Variants in PSD3 observed in about 807,000 individuals in gnomAD.
PSD3 encodes pleckstrin and Sec7 domain containing 3, also known as PH and SEC7 domain-containing protein 3.
A neutral mutation model predicts 105.5 loss-of-function variants in PSD3; 49 were observed. The observed-to-expected ratio is 0.46, with a 90% CI of 0.37 to 0.59. The LOEUF (loss-of-function observed/expected upper bound fraction) is 0.59, where lower values mean the gene tolerates loss of function less well. PSD3 is among the 20% of genes least tolerant of loss of function. The probability of loss-of-function intolerance (pLI) is 0.00; values close to 1 mark genes in which losing one functional copy is unlikely to be tolerated. For missense variants in PSD3, 1,561 were observed against 1,263.8 expected, an observed-to-expected ratio of 1.24 and a Z score of -3.57; for synonymous variants, 557 against 457.8, an observed-to-expected ratio of 1.22 and a Z score of -2.77.
At chr8:18,593,369 A>C (rs1803756791) in intron 12 of PSD3, among the ~76,000 whole-genome samples, 1 of 152,256 alleles carries the variant, frequency 6.6e-6, no homozygotes, top group Admixed American at 6.5e-5. Flanking sequence ...AGACACATGA[A>C]AAAATGCTCA....
intron 4 of PSD3, among the ~76,000 whole-genome samples, chr8:18,866,161 T>G (rs559937017): frequency 6.6e-6 from 1 of 152,184 alleles, no homozygotes; most frequent in Admixed American, 6.5e-5. Flanking sequence ...TCTGCATACC[T>G]TTCCTACAGC....
At chr8:18,879,800 G>T (rs1221141241) in intron 2 of PSD3, among the ~76,000 whole-genome samples, 1 of 151,432 alleles carries the variant, frequency 6.6e-6, no homozygotes, top group East Asian at 2.0e-4. Context: ...GTTTCCCTAT[G>T]TTGCCCAGAC....
intron 4 of PSD3, among the ~76,000 whole-genome samples, chr8:18,821,872 C>CCACACACACACACACACA (rs5889830): frequency 8.7e-5 from 12 of 137,398 alleles, no homozygotes; most frequent in African/African-American, 2.6e-4. Flanking sequence ...TGCACACACA[C>CCACACACACACACACACA]CACACACACA....
At position 19,040,772 on chromosome 8, in the gene PSD3, T is replaced by A. The variant is rs76430506; in HGVS notation, c.324+43434A>T. ...ATAAGCTAACTGATGAGGTGTAATA[T>A]CCCTTTAGAAAAGGGAAGAAATCAG... On this transcript the variant is annotated intron_variant, in intron 1 of 1. Transcript: ENST00000521475. Among the ~76,000 whole-genome samples the A allele has an allele frequency of 1.7e-3, 259 of 152,314 alleles. 4 individuals are homozygous for A. In the East Asian group the frequency reaches 0.045, roughly 27 times the overall value.
intron 1 of PSD3, among the ~76,000 whole-genome samples, chr8:19,059,359 G>T (rs572591445): frequency 6.6e-6 from 1 of 151,648 alleles, no homozygotes; most frequent in African/African-American, 2.4e-5. Flanking sequence ...CTACTTCTGC[G>T]GATGATGGAA....
In PSD3 at chr8:18,860,346, T is replaced by C. The variant is rs1283963015; in HGVS notation, c.1634+7328A>G. Among the ~76,000 whole-genome samples, 7 of 151,746 alleles carry C rather than the reference T, an allele frequency of 4.6e-5. 1 individual carries two copies. The South Asian group carries it at 1.3e-3, about 27-fold the overall frequency. ...AACAGTAATGAAAAAGTCTGAAATA[T>C]TGAGATAATGACTAAAATGTGACAC... On this transcript the variant is annotated intron_variant, in intron 4 of 15. Coordinates refer to ENST00000327040, the MANE Select transcript of PSD3 (RefSeq NM_015310.4).
chr8:18,965,988 C>T lies in PSD3; in HGVS notation c.22-29846G>A, dbSNP rs780827093. Among the ~76,000 whole-genome samples, 9 of 152,280 alleles carry T rather than the reference C, an allele frequency of 5.9e-5. No homozygotes were observed. The South Asian group carries it at 1.2e-3, about 21-fold the overall frequency. ...AATGATCTCATTAATCCTCACAACA[C>T]CTGATGAGGGGAGTAGGCAACAAAT... On this transcript the variant is annotated intron_variant, in intron 1 of 15. Transcript: ENST00000327040.
chr8:18,920,766 C>T (rs1281680894), intron 2 of PSD3, among the ~76,000 whole-genome samples: 1 of 152,170 alleles, frequency 6.6e-6, no homozygotes, highest in Non-Finnish European at 1.5e-5. Flanking sequence ...TAAAACTTGT[C>T]TAGCATGCCT....
chr8:18,836,505 T>G (rs567562981), intron 4 of PSD3, among the ~76,000 whole-genome samples: 1 of 152,230 alleles, frequency 6.6e-6, no homozygotes, highest in Non-Finnish European at 1.5e-5. Flanking sequence ...ACTAATTTTT[T>G]AATAGTGGAC....
At chr8:19,078,740 T>C (rs17127791) in intron 1 of PSD3, among the ~76,000 whole-genome samples, 55,497 of 151,402 alleles carry the variant, frequency 0.37, 10,350 homozygotes, top group Middle Eastern at 0.41. Context: ...GATGCAGGCC[T>C]AAGAGAATTC....
At chr8:19,066,771 C>G (rs959668571) in intron 1 of PSD3, among the ~76,000 whole-genome samples, 2 of 152,226 alleles carry the variant, frequency 1.3e-5, no homozygotes, top group African/African-American at 2.4e-5. Context: ...ATGCACACAA[C>G]ATGCCCACCC....
At chr8:18,537,469 C>A (rs1799905682) in intron 15 of PSD3, among the ~76,000 whole-genome samples, 1 of 152,194 alleles carries the variant, frequency 6.6e-6, no homozygotes. Context: ...CCATTCTCAA[C>A]TCCTTCTACT....
At chr8:19,011,272 C>G (rs541892665) in intron 1 of PSD3, among the ~76,000 whole-genome samples, 5 of 152,292 alleles carry the variant, frequency 3.3e-5, no homozygotes, top group African/African-American at 1.2e-4. Flanking sequence ...TGCAATTAAC[C>G]TATCACCACA....
At chr8:18,858,532 G>C (rs1586243636) in intron 4 of PSD3, among the ~76,000 whole-genome samples, 1 of 151,996 alleles carries the variant, frequency 6.6e-6, no homozygotes, top group African/African-American at 2.4e-5. Flanking sequence ...GAGGCTGCTT[G>C]ATCATCTTTT....
chr8:18,843,286 G>A (rs575240675), intron 4 of PSD3, among the ~76,000 whole-genome samples: 30 of 151,594 alleles, frequency 2.0e-4, no homozygotes, highest in Non-Finnish European at 3.1e-4. Flanking sequence ...GCGTGAACCC[G>A]GGAGGCGGAG....
At chr8:19,045,616 C>G (rs1366892342) in intron 1 of PSD3, among the ~76,000 whole-genome samples, 2 of 152,184 alleles carry the variant, frequency 1.3e-5, no homozygotes, top group African/African-American at 4.8e-5. Context: ...GATTAGATCT[C>G]TTTACAGAAT....
intron 4 of PSD3, among the ~76,000 whole-genome samples, chr8:18,841,610 T>C (rs1020764317): frequency 1.3e-5 from 2 of 152,154 alleles, no homozygotes; most frequent in Admixed American, 1.3e-4. Flanking sequence ...GGTGAATGTG[T>C]GGGCTTCTCT....
intron 9 of PSD3, among the ~76,000 whole-genome samples, chr8:18,706,825 A>G (rs1801932835): frequency 6.6e-6 from 1 of 152,132 alleles, no homozygotes; most frequent in South Asian, 2.1e-4. Context: ...CCTTCTGAGT[A>G]TACCATATTA....
chr8:18,714,583 C>G (rs1465806429), intron 9 of PSD3, among the ~76,000 whole-genome samples: 4 of 152,042 alleles, frequency 2.6e-5, no homozygotes, highest in African/African-American at 7.2e-5. Context: ...CAATGAGATA[C>G]CATTTCACAC....
Sources: gnomAD v4.1 joint callset for allele counts (sites outside exome capture counted in the v4.1 genomes callset) on GRCh38, gnomAD v4.1.1 for gene constraint, MANE v1.5 for transcripts, NCBI Gene and HGNC (gene_info 2026-07-23, HGNC 2026-07-21) for gene names.